The following FARP1 variants were observed in gnomAD, a reference collection of about 807,000 sequenced individuals.
The protein encoded by FARP1 is FERM, ARH/RhoGEF and pleckstrin domain protein 1.
Under a neutral mutation model 128.8 loss-of-function variants are expected in FARP1, and 52 were observed. The ratio of observed to expected loss-of-function variants is 0.40; its 90% CI spans 0.32 to 0.51. FARP1 has a LOEUF of 0.51. FARP1 is among the 20% of genes least tolerant of loss of function. The pLI is 0.45. For missense variants in FARP1, 1,333 were observed against 1,367.9 expected (o/e 0.97, Z 0.40); for synonymous variants, 580 against 551.8 (o/e 1.05, Z -0.72).
At chr13:98,151,029 AC>A (rs1165536482) in intron 1 of FARP1, among the ~76,000 whole-genome samples, 1 of 116,902 alleles carries the variant, frequency 8.6e-6, no homozygotes, top group Non-Finnish European at 2.1e-5. Context: ...CCCACGGTCA[AC>A]CACAGTCTGA....
intron 5 of FARP1, among the ~76,000 whole-genome samples, chr13:98,374,351 A>G (rs145348712): frequency 4.1e-4 from 63 of 152,274 alleles, no homozygotes; most frequent in African/African-American, 1.4e-3. Flanking sequence ...TTGAGCCCCC[A>G]GAGGTTGAGG....
At chr13:98,312,755 A>G (rs1886534004) in intron 2 of FARP1, among the ~76,000 whole-genome samples, 1 of 152,058 alleles carries the variant, frequency 6.6e-6, no homozygotes, top group South Asian at 2.1e-4. Context: ...CTGCATAAGA[A>G]CCATCACAAC....
rs761119851 is a variant in FARP1 at position 98,439,186 on chromosome 13, A to G, written c.2423A>G (p.Tyr808Cys). Residue 808 changes from tyrosine (Y) to cysteine (C), a missense_variant, in exon 21 of 27, where the codon TAT becomes TGT. Coordinates refer to ENST00000319562, the MANE Select transcript of FARP1 (RefSeq NM_005766.4). ...QFKVHGQLPL[Y>C]GMTIEESEDE... ...AAAGTCCACGGGCAGCTCCCGCTCT[A>G]TGGCATGACGGTGAGTACAGCACAG... 6.8e-6 allele frequency: 11 copies of G among 1,612,630 alleles called. No homozygotes were observed. Among genetic ancestry groups the G allele is most frequent in the African/African-American group, 1.3e-5 (1 of 74,920 alleles).
At chr13:98,406,304 T>A (rs1321645596) in intron 13 of FARP1, 1 of 152,238 alleles carries the variant, frequency 6.6e-6, no homozygotes, top group Admixed American at 6.5e-5. Flanking sequence ...AGCCTCGGAT[T>A]GTTTATCTTG....
At chr13:98,180,500 G>A (rs1363282539) in intron 1 of FARP1, among the ~76,000 whole-genome samples, 3 of 152,176 alleles carry the variant, frequency 2.0e-5, no homozygotes, top group Non-Finnish European at 2.9e-5. Flanking sequence ...CAGTCTTCTT[G>A]TGTGGAGCCA....
At chr13:98,337,236 G>A (rs770726037) in intron 2 of FARP1, among the ~76,000 whole-genome samples, 3 of 152,086 alleles carry the variant, frequency 2.0e-5, no homozygotes, top group African/African-American at 4.8e-5. Context: ...AGCCAGATGC[G>A]GTTTTGCGCT....
rs9584850 is a variant in FARP1, at chr13:98,449,172, G to C, written c.*855G>C. On this transcript the variant is annotated 3_prime_UTR_variant, in exon 27 of 27. Transcript: ENST00000319562. ...ATCAGCACCATTTGTGGTATGTTCCGTGATGAGCGTTTAGTGAGCCTGCTG... is the reference window on the plus strand; with the variant it reads ...ATCAGCACCATTTGTGGTATGTTCCCTGATGAGCGTTTAGTGAGCCTGCTG... The C allele has an allele frequency of 0.26, 39,571 of 152,126 alleles. 5,312 individuals are homozygous for C. The highest frequency in any genetic ancestry group is 0.3 in the Non-Finnish European group (20,512 of 67,998). 9.4% of individuals were successfully genotyped at this position (152,126 alleles called of 1,614,324 possible).
intron 2 of FARP1, among the ~76,000 whole-genome samples, chr13:98,241,898 G>A (rs368953972): frequency 7.9e-5 from 12 of 152,024 alleles, no homozygotes; most frequent in African/African-American, 2.9e-4. Context: ...CAGCCTGGGC[G>A]ACAGATTGAG....
chr13:98,232,730 T>G (rs1156417051), intron 2 of FARP1, among the ~76,000 whole-genome samples: 1 of 152,232 alleles, frequency 6.6e-6, no homozygotes, highest in Non-Finnish European at 1.5e-5. Flanking sequence ...AATATTTGCT[T>G]TATTGCGGTG....
intron 12 of FARP1, 117 bp from the exon 13 acceptor site, chr13:98,395,110 T>C: frequency 7.9e-7 from 1 of 1,262,098 alleles, no homozygotes; most frequent in Non-Finnish European, 1.1e-6. Context: ...CCGGGGCAGT[T>C]CTCCCGCCGC....
intron 10 of FARP1, 124 bp from the exon 11 acceptor site, chr13:98,390,688 C>A (rs954193698): frequency 7.0e-6 from 5 of 719,280 alleles, no homozygotes; most frequent in Admixed American, 2.4e-5. Flanking sequence ...CCTGGCTAGC[C>A]AAGCAACCCT....
At chr13:98,200,395 C>T (rs1458206887) in intron 1 of FARP1, among the ~76,000 whole-genome samples, 1 of 147,662 alleles carries the variant, frequency 6.8e-6, no homozygotes, top group African/African-American at 2.5e-5. Flanking sequence ...TCACCCCCCC[C>T]CCCTCCCCTT....
chr13:98,389,703 T>C (rs759597246), intron 9 of FARP1: 4 of 387,890 alleles, frequency 1.0e-5, no homozygotes, highest in Non-Finnish European at 1.8e-5. Flanking sequence ...ATGGTGTCAC[T>C]TCCATTGAAG....
At chr13:98,395,872 C>T (rs1436035422) in intron 13 of FARP1, 4 of 400,156 alleles carry the variant, frequency 1.0e-5, no homozygotes, top group Non-Finnish European at 1.8e-5. Context: ...CCCATTGTCT[C>T]CCAGCAGCAG....
chr13:98,316,026 G>A (rs1208551289), intron 2 of FARP1, among the ~76,000 whole-genome samples: 5 of 152,152 alleles, frequency 3.3e-5, no homozygotes, highest in African/African-American at 7.2e-5. Context: ...TCATGGACCC[G>A]GGGAATGCGG....
intron 2 of FARP1, among the ~76,000 whole-genome samples, chr13:98,259,975 A>T (rs1883796481): frequency 6.6e-6 from 1 of 150,734 alleles, no homozygotes. Context: ...ATGTTGATAA[A>T]ACAAGGGAAT....
chr13:98,181,757 G>A (rs1045792281), intron 1 of FARP1, among the ~76,000 whole-genome samples: 1 of 151,854 alleles, frequency 6.6e-6, no homozygotes, highest in African/African-American at 2.4e-5. Context: ...GCCTCCCAAA[G>A]TGCTGGGATT....
At chr13:98,296,743 G>A (rs1885714983) in intron 2 of FARP1, among the ~76,000 whole-genome samples, 1 of 140,154 alleles carries the variant, frequency 7.1e-6, no homozygotes, top group Admixed American at 7.6e-5. Context: ...CCAGGCTAGA[G>A]TGCAGTGACA....
At chr13:98,261,062 G>C (rs1594332783) in intron 2 of FARP1, among the ~76,000 whole-genome samples, 1 of 152,196 alleles carries the variant, frequency 6.6e-6, no homozygotes, top group East Asian at 1.9e-4. Flanking sequence ...TCTATGGGAG[G>C]AAGGGGAAAC....
Sources: gnomAD v4.1 joint callset for allele counts (sites outside exome capture counted in the v4.1 genomes callset) on GRCh38, gnomAD v4.1.1 for gene constraint, MANE v1.5 for transcripts, NCBI Gene and HGNC (gene_info 2026-07-23, HGNC 2026-07-21) for gene names.